ETFA: variants seen among roughly 807,000 people sequenced by gnomAD.
The protein encoded by ETFA is electron transfer flavoprotein subunit alpha.
Under a neutral mutation model 46.2 loss-of-function variants are expected in ETFA, and 22 were observed. That is an observed-to-expected ratio of 0.48 (90% confidence interval 0.34 to 0.68). The LOEUF is 0.68. ETFA is among the 30% of genes least tolerant of loss of function. The pLI is 0.01. For missense variants in ETFA, 345 were observed against 401.1 expected (o/e 0.86, Z 1.19); for synonymous variants, 131 against 139.9 (o/e 0.94, Z 0.45).
rs79423276 is a variant in ETFA, at chr15:76,261,339, G to T, written c.816+13073C>A. The T allele has an allele frequency of 5.2e-6, 7 of 1,341,160 alleles. No homozygotes were observed. In the Admixed American group the frequency reaches 5.3e-5, roughly 10 times the overall value. The allele number at this position is 1,341,160 out of a possible 1,614,324, so 83.1% of individuals were successfully genotyped here. A position where few individuals can be genotyped will look rare whatever the true frequency, so the allele number is the denominator to read the frequency against. On this transcript the variant is annotated intron_variant, in intron 9 of 11. Transcript: ENST00000557943. The stretch of plus-strand genomic sequence containing the variant: ...ACACTGGCTGGGAGATCTGGGTTTC[G>T]CCCCCATCCACCTTGCACCAGTACT...
chr15:76,258,806 G>C (rs2039372609), intron 9 of ETFA, among the ~76,000 whole-genome samples: 1 of 152,222 alleles, frequency 6.6e-6, no homozygotes, highest in Non-Finnish European at 1.5e-5. Context: ...CCACAGAGTG[G>C]TTGCAGGAGG....
chr15:76,231,537 CT>C, intron 9 of ETFA, 139 bp from the exon 10 acceptor site: 1 of 582,978 alleles, frequency 1.7e-6, no homozygotes. Flanking sequence ...TTAAATTATG[CT>C]TTTCTTTTTC....
chr15:76,267,032 T>G (rs2141505076), intron 9 of ETFA, among the ~76,000 whole-genome samples: 1 of 152,370 alleles, frequency 6.6e-6, no homozygotes, highest in African/African-American at 2.4e-5. Flanking sequence ...CTCATCTCTT[T>G]TCTACTTTAC....
chr15:76,247,704 G>C (rs780894262), intron 9 of ETFA, among the ~76,000 whole-genome samples: 1 of 152,082 alleles, frequency 6.6e-6, no homozygotes, highest in African/African-American at 2.4e-5. Flanking sequence ...TACGTGTTTG[G>C]AGCAGTGTAG....
chr15:76,300,467 G>A (rs947446161), intron 1 of ETFA, among the ~76,000 whole-genome samples: 1 of 152,100 alleles, frequency 6.6e-6, no homozygotes, highest in East Asian at 1.9e-4. Context: ...TCTAAAGAGA[G>A]CTACTCCTAA....
At chr15:76,246,383 A>G (rs932900798) in intron 9 of ETFA, among the ~76,000 whole-genome samples, 2 of 152,220 alleles carry the variant, frequency 1.3e-5, no homozygotes, top group Admixed American at 1.3e-4. Context: ...TGCCTATTGT[A>G]GGGAACTTTT....
intron 6 of ETFA, 65 bp downstream of exon 6, chr15:76,286,304 ATT>A (rs2039703971): frequency 6.0e-6 from 5 of 829,476 alleles, no homozygotes. Context: ...GTCATCTCTT[ATT>A]ATAATACAGT....
intron 9 of ETFA, among the ~76,000 whole-genome samples, chr15:76,263,946 A>C (rs2141500313): frequency 6.6e-6 from 1 of 152,342 alleles, no homozygotes; most frequent in Non-Finnish European, 1.5e-5. Context: ...ACTGGGTGAG[A>C]AAATGAATCA....
chr15:76,278,606 C>G (rs1394019700), intron 8 of ETFA, among the ~76,000 whole-genome samples: 2 of 152,174 alleles, frequency 1.3e-5, no homozygotes, highest in East Asian at 3.8e-4. Context: ...ACCTTAATTC[C>G]TGGCAGTTAT....
At position 76,283,802 on chromosome 15, in the gene ETFA, T is replaced by G. The variant is rs749261582; in HGVS notation, c.688A>C (p.Asn230His). The change falls in exon 8 of 12, where the codon AAC (asparagine) becomes CAC (histidine). Residue 230 changes from asparagine to histidine, a missense_variant. Coordinates refer to ENST00000557943, the MANE Select transcript of ETFA (RefSeq NM_000126.4). ...SGGRGLKSGENFKLLYDLADQ... is the reference protein window; with the variant it reads ...SGGRGLKSGEHFKLLYDLADQ... ...GCCAAGTCATATAACAACTTAAAGT[T>G]CTCTCCACTCTTCAAGCCTCGACCT... The G allele has an allele frequency of 6.2e-7, 1 of 1,611,886 alleles. No individual in the cohort carries two copies. The highest frequency in any genetic ancestry group is 1.3e-5 in the African/African-American group (1 of 74,836).
At chr15:76,253,739 T>C (rs1000352047) in intron 9 of ETFA, among the ~76,000 whole-genome samples, 5 of 152,184 alleles carry the variant, frequency 3.3e-5, no homozygotes, top group African/African-American at 1.2e-4. Context: ...TGGCCACAAG[T>C]GTAATTCTTG....
intron 9 of ETFA, among the ~76,000 whole-genome samples, chr15:76,262,092 A>T (rs921160951): frequency 2.0e-5 from 3 of 152,214 alleles, no homozygotes; most frequent in Admixed American, 6.5e-5. Flanking sequence ...AAACAACTAA[A>T]TGCAAATCTC....
Position 76,234,980 on chromosome 15 carries a change from G to A in ETFA, c.817-3582C>T, listed in dbSNP as rs116387929. 4.2e-3 allele frequency among the ~76,000 whole-genome samples: 636 copies of A among 152,288 alleles called. 6 individuals are homozygous for A. The highest frequency in any genetic ancestry group is 0.014 in the African/African-American group (588 of 41,550). On this transcript the variant is annotated intron_variant, in intron 9 of 11. Transcript: ENST00000557943. The stretch of plus-strand genomic sequence containing the variant: ...CTGAGAAACTGTTGCATCTGATGCG[G>A]TTTAACAGGTTTACCGTATCACTGT...
intron 9 of ETFA, among the ~76,000 whole-genome samples, chr15:76,248,327 TTAAC>T (rs1401214636): frequency 6.6e-6 from 1 of 152,082 alleles, no homozygotes; most frequent in Admixed American, 6.5e-5. Context: ...AGGTACCTGA[TTAAC>T]TACATGGGGG....
intron 2 of ETFA, among the ~76,000 whole-genome samples, chr15:76,294,148 A>G (rs1218083011): frequency 6.6e-6 from 1 of 152,252 alleles, no homozygotes; most frequent in Non-Finnish European, 1.5e-5. Context: ...GTAACTGAGT[A>G]CAGAAGACGA....
chr15:76,272,805 A>AATATATATATATATATATATATATAT (rs1379336424), intron 9 of ETFA, among the ~76,000 whole-genome samples: 8 of 78,484 alleles, frequency 1.0e-4, no homozygotes, highest in Non-Finnish European at 1.8e-4. Context: ...TGTCTCTTAA[A>AATATATATATATATATATATATATAT]ATATATACAT....
intron 1 of ETFA, among the ~76,000 whole-genome samples, chr15:76,301,143 G>A (rs1013491318): frequency 2.6e-5 from 4 of 152,138 alleles, no homozygotes; most frequent in African/African-American, 7.2e-5. Flanking sequence ...AATGATGCCT[G>A]GAACATATTA....
intron 9 of ETFA, chr15:76,259,888 G>A: frequency 1.6e-6 from 2 of 1,279,532 alleles, no homozygotes; most frequent in Non-Finnish European, 2.3e-6. Flanking sequence ...GCTTCATGAA[G>A]GGCAAGATGA....
chr15:76,305,440 G>A (rs777416507), intron 1 of ETFA, among the ~76,000 whole-genome samples: 2 of 152,182 alleles, frequency 1.3e-5, no homozygotes, highest in African/African-American at 4.8e-5. Flanking sequence ...ACATGTATAA[G>A]GGTAACTAAA....
Sources: gnomAD v4.1 joint callset for allele counts (sites outside exome capture counted in the v4.1 genomes callset) on GRCh38, gnomAD v4.1.1 for gene constraint, MANE v1.5 for transcripts, NCBI Gene and HGNC (gene_info 2026-07-23, HGNC 2026-07-21) for gene names.